B3GALT1: variants seen among roughly 807,000 people sequenced by gnomAD.
B3GALT1 encodes beta-1,3-galactosyltransferase 1.
B3GALT1 carries 10 observed loss-of-function variants against 23.2 expected under a neutral mutation model. The observed-to-expected ratio is 0.43, with a 90% confidence interval of 0.27 to 0.73. B3GALT1 has a LOEUF of 0.73. B3GALT1 is among the 30% of genes least tolerant of loss of function. The probability of loss-of-function intolerance (pLI) is 0.21; values close to 1 mark genes in which losing one functional copy is unlikely to be tolerated. For missense variants in B3GALT1, 299 were observed against 405.4 expected (o/e 0.74, Z 2.25); for synonymous variants, 156 against 141.5 (o/e 1.10, Z -0.73).
intron 3 of B3GALT1, among the ~76,000 whole-genome samples, chr2:167,804,718 G>C (rs1454057479): frequency 2.6e-5 from 4 of 152,158 alleles, no homozygotes; most frequent in Admixed American, 1.3e-4. Flanking sequence ...TCTTAATCCA[G>C]TCTATCATTG....
intron 4 of B3GALT1, among the ~76,000 whole-genome samples, chr2:167,836,739 G>C (rs867936886): frequency 1.3e-5 from 2 of 152,178 alleles, no homozygotes; most frequent in Non-Finnish European, 2.9e-5. Context: ...ATTCACCAGA[G>C]TTGAAATGAA....
At chr2:167,771,231 T>A (rs1688067527) in intron 3 of B3GALT1, among the ~76,000 whole-genome samples, 1 of 152,212 alleles carries the variant, frequency 6.6e-6, no homozygotes, top group African/African-American at 2.4e-5. Context: ...TATATTGGCA[T>A]CCTGTGAAGA....
At chr2:167,637,026 T>G (rs1002806031) in intron 2 of B3GALT1, among the ~76,000 whole-genome samples, 8 of 151,916 alleles carry the variant, frequency 5.3e-5, no homozygotes, top group African/African-American at 1.7e-4. Flanking sequence ...CTCAGTAGTA[T>G]GCCCTTATGG....
chr2:167,572,306 A>G (rs1383207547), intron 2 of B3GALT1, among the ~76,000 whole-genome samples: 1 of 151,854 alleles, frequency 6.6e-6, no homozygotes, highest in Non-Finnish European at 1.5e-5. Flanking sequence ...ATATTTCTAA[A>G]TAAGTAACTT....
rs954999161 is a variant in B3GALT1 at position 167,870,814 on chromosome 2, C to T, written c.*794C>T. ...ATAATCTCACCTGCTTCCTTCCAGA[C>T]AGTGTCGCTAAGTGCATTTCACAGT... On this transcript the variant is annotated 3_prime_UTR_variant, in exon 5 of 5. Coordinates refer to ENST00000392690, the MANE Select transcript of B3GALT1 (RefSeq NM_020981.4). 3 of 166,812 alleles carry T rather than the reference C, an allele frequency of 1.8e-5. No homozygotes were observed. Among genetic ancestry groups the T allele is most frequent in the African/African-American group, 7.3e-5 (3 of 41,308 alleles). The allele number at this position is 166,812 out of a possible 1,614,324, so 10.3% of individuals were successfully genotyped here.
Position 167,335,210 on chromosome 2 carries a change from G to T in B3GALT1, c.-511+41876G>T, listed in dbSNP as rs141749465. 4.0e-5 allele frequency among the ~76,000 whole-genome samples: 6 copies of T among 151,660 alleles called. No individual in the cohort carries two copies. The East Asian group carries it at 5.9e-4, about 15-fold the overall frequency. On this transcript the variant is annotated intron_variant, in intron 1 of 4. Transcript: ENST00000392690. The stretch of plus-strand genomic sequence containing the variant: ...AAGAAAAAAAAACGGTGGGCGGGGA[G>T]GGGGGAGCGGAATAAAAAACAGTAG...
intron 4 of B3GALT1, among the ~76,000 whole-genome samples, chr2:167,825,323 CT>C (rs1468443356): frequency 6.8e-6 from 1 of 146,028 alleles, no homozygotes; most frequent in Non-Finnish European, 1.5e-5. Context: ...ACAAGCAAAA[CT>C]TAGAGTGAGA....
intron 1 of B3GALT1, among the ~76,000 whole-genome samples, chr2:167,342,860 T>C (rs1287900618): frequency 1.3e-5 from 2 of 152,224 alleles, no homozygotes. Context: ...CTGTGTTTAC[T>C]GATATCTTTT....
At chr2:167,715,312 T>C (rs2105522204) in intron 3 of B3GALT1, 1 of 1,613,954 alleles carries the variant, frequency 6.2e-7, no homozygotes, top group Non-Finnish European at 8.5e-7. Context: ...GTTCTGCTTA[T>C]ACTTTGGAGT....
intron 3 of B3GALT1, among the ~76,000 whole-genome samples, chr2:167,708,470 G>A (rs1007746870): frequency 1.3e-5 from 2 of 152,104 alleles, no homozygotes; most frequent in African/African-American, 4.8e-5. Context: ...AGACCAGCCT[G>A]ACCAACATGG....
chr2:167,860,402 T>C (rs1034776762), intron 4 of B3GALT1, among the ~76,000 whole-genome samples: 2 of 152,180 alleles, frequency 1.3e-5, no homozygotes, highest in African/African-American at 4.8e-5. Context: ...TCTTTCCCTG[T>C]CTTGCCTCCC....
chr2:167,378,528 T>A (rs1697797653), intron 1 of B3GALT1, among the ~76,000 whole-genome samples: 1 of 151,288 alleles, frequency 6.6e-6, no homozygotes, highest in Non-Finnish European at 1.5e-5. Context: ...TTAAAATTCC[T>A]TTTTTTTTAT....
chr2:167,435,977 ACACACG>A (rs1302328114), intron 1 of B3GALT1, among the ~76,000 whole-genome samples: 14 of 104,982 alleles, frequency 1.3e-4, no homozygotes, highest in African/African-American at 8.1e-4. Context: ...ACACACACAC[ACACACG>A]CACACACACA....
chr2:167,813,304 A>G (rs1371261014), intron 3 of B3GALT1, among the ~76,000 whole-genome samples: 1 of 152,168 alleles, frequency 6.6e-6, no homozygotes. Flanking sequence ...TTTGCTCCCA[A>G]TGATTTCATG....
rs988109038 is a variant in B3GALT1, at chr2:167,641,379, C to G, written c.-409-5530C>G. On this transcript the variant is annotated intron_variant, in intron 2 of 4. Coordinates refer to ENST00000392690, the MANE Select transcript of B3GALT1 (RefSeq NM_020981.4). The stretch of plus-strand genomic sequence containing the variant: ...AAGGCCATCAACGTTATCCATCTTC[C>G]TAAATCCAGTAGTCAGACTTCATGA... 3.9e-5 allele frequency among the ~76,000 whole-genome samples: 6 copies of G among 152,210 alleles called. No individual in the cohort carries two copies. In the East Asian group the frequency reaches 1.2e-3, roughly 30 times the overall value.
At chr2:167,662,891 A>G (rs1248469720) in intron 3 of B3GALT1, among the ~76,000 whole-genome samples, 1 of 152,080 alleles carries the variant, frequency 6.6e-6, no homozygotes, top group Non-Finnish European at 1.5e-5. Context: ...ATATATATGC[A>G]TATGACTGCC....
chr2:167,379,173 G>A (rs1183190512), intron 1 of B3GALT1, among the ~76,000 whole-genome samples: 2 of 152,066 alleles, frequency 1.3e-5, no homozygotes, highest in African/African-American at 4.8e-5. Flanking sequence ...AAGGGGGCAG[G>A]AAGGAGAATG....
At chr2:167,722,342 A>C (rs1219758201) in intron 3 of B3GALT1, among the ~76,000 whole-genome samples, 1 of 152,226 alleles carries the variant, frequency 6.6e-6, no homozygotes, top group African/African-American at 2.4e-5. Flanking sequence ...TTATATAAAC[A>C]ATTGACTGCT....
intron 2 of B3GALT1, among the ~76,000 whole-genome samples, chr2:167,568,546 C>A (rs966601330): frequency 1.3e-5 from 2 of 152,008 alleles, no homozygotes; most frequent in African/African-American, 4.8e-5. Flanking sequence ...AGTGAGTTAC[C>A]TGTTAAGGAC....
Sources: gnomAD v4.1 joint callset for allele counts (sites outside exome capture counted in the v4.1 genomes callset) on GRCh38, gnomAD v4.1.1 for gene constraint, MANE v1.5 for transcripts, NCBI Gene and HGNC (gene_info 2026-07-23, HGNC 2026-07-21) for gene names.